KCNIP4: variants seen among roughly 807,000 people sequenced by gnomAD.
KCNIP4 encodes the protein potassium voltage-gated channel interacting protein 4.
KCNIP4 carries 12 observed loss-of-function variants against 34.0 expected under a neutral mutation model. The ratio of observed to expected loss-of-function variants is 0.35; its 90% CI spans 0.23 to 0.57. The LOEUF is 0.57. KCNIP4 is among the 20% of genes least tolerant of loss of function. KCNIP4 has a pLI of 0.83. For synonymous variants in KCNIP4, 124 were observed against 102.2 expected (o/e 1.21, Z -1.29); for missense variants, 238 against 311.7 (o/e 0.76, Z 1.78).
At chr4:21,889,912 AC>A (rs1726995236) in intron 1 of KCNIP4, among the ~76,000 whole-genome samples, 1 of 152,006 alleles carries the variant, frequency 6.6e-6, no homozygotes, top group Admixed American at 6.6e-5. Flanking sequence ...ATATTTGCTC[AC>A]CCTTAGTGTT....
At chr4:21,315,735 C>T (rs1248269659) in intron 1 of KCNIP4, among the ~76,000 whole-genome samples, 1 of 152,202 alleles carries the variant, frequency 6.6e-6, no homozygotes, top group Non-Finnish European at 1.5e-5. Context: ...ATGGCATCCA[C>T]TCAACACATG....
intron 1 of KCNIP4, among the ~76,000 whole-genome samples, chr4:21,777,083 G>A (rs1347292104): frequency 1.3e-5 from 2 of 152,058 alleles, no homozygotes; most frequent in Non-Finnish European, 2.9e-5. Flanking sequence ...AAGATCTAAT[G>A]GTTTTATAAT....
chr4:20,753,113 C>G (rs1453196512), intron 4 of KCNIP4, among the ~76,000 whole-genome samples: 1 of 152,078 alleles, frequency 6.6e-6, no homozygotes, highest in African/African-American at 2.4e-5. Flanking sequence ...AGTTGAGCAA[C>G]AAAATTTACA....
At chr4:21,636,696 TCTTA>T (rs2109221734) in intron 1 of KCNIP4, among the ~76,000 whole-genome samples, 1 of 152,276 alleles carries the variant, frequency 6.6e-6, no homozygotes, top group East Asian at 1.9e-4. Flanking sequence ...AAGTATTAGA[TCTTA>T]CTTTTTCTAA....
intron 1 of KCNIP4, among the ~76,000 whole-genome samples, chr4:21,085,415 A>G (rs1337861494): frequency 6.6e-6 from 1 of 152,202 alleles, no homozygotes; most frequent in Non-Finnish European, 1.5e-5. Context: ...GCCTGAGCTG[A>G]CTAAGACACC....
chr4:21,820,993 A>G (rs1722321896), intron 1 of KCNIP4, among the ~76,000 whole-genome samples: 1 of 152,164 alleles, frequency 6.6e-6, no homozygotes, highest in East Asian at 1.9e-4. Flanking sequence ...ATACTGAAAC[A>G]TATTTTCAGC....
chr4:21,316,053 G>T (rs368697662), intron 1 of KCNIP4, among the ~76,000 whole-genome samples: 1 of 152,130 alleles, frequency 6.6e-6, no homozygotes, highest in Non-Finnish European at 1.5e-5. Flanking sequence ...TTCCTTCTGA[G>T]AAATTCTTAC....
intron 1 of KCNIP4, among the ~76,000 whole-genome samples, chr4:21,108,703 T>C (rs941831083): frequency 2.0e-5 from 3 of 151,714 alleles, no homozygotes; most frequent in African/African-American, 7.3e-5. Flanking sequence ...GTTCTTCTGC[T>C]CTGTTTTTTC....
At chr4:20,833,199 A>G (rs999248900) in intron 3 of KCNIP4, among the ~76,000 whole-genome samples, 2 of 152,248 alleles carry the variant, frequency 1.3e-5, no homozygotes, top group African/African-American at 4.8e-5. Flanking sequence ...CACATTAGAC[A>G]TCAAACTTTG....
At chr4:21,296,874 G>A (rs536374410) in intron 1 of KCNIP4, among the ~76,000 whole-genome samples, 1 of 152,004 alleles carries the variant, frequency 6.6e-6, no homozygotes, top group East Asian at 1.9e-4. Context: ...CTGTGGGATG[G>A]TGGCACCAAA....
chr4:20,964,180 T>A (rs991099308), intron 1 of KCNIP4, among the ~76,000 whole-genome samples: 1 of 152,244 alleles, frequency 6.6e-6, no homozygotes, highest in Admixed American at 6.5e-5. Flanking sequence ...TGGTTGCTGT[T>A]TTACATAGAG....
chr4:21,816,955 T>C (rs1722026171), intron 1 of KCNIP4, among the ~76,000 whole-genome samples: 1 of 152,202 alleles, frequency 6.6e-6, no homozygotes, highest in African/African-American at 2.4e-5. Flanking sequence ...TAAAAGCTGT[T>C]GTGAGAATTA....
At chr4:20,933,194 A>T (rs1730665653) in intron 1 of KCNIP4, among the ~76,000 whole-genome samples, 1 of 152,178 alleles carries the variant, frequency 6.6e-6, no homozygotes, top group African/African-American at 2.4e-5. Context: ...CAGTGAGCTG[A>T]GATCATGCCA....
rs1004220000 is a variant in KCNIP4 at position 21,610,819 on chromosome 4, CT to C, written c.61+337751del. On this transcript the variant is annotated intron_variant, in intron 1 of 8. Transcript: ENST00000382152. ...CATGGTGAAAAGGGAAGAGGCACAT[CT>C]TTTTTTTTTTAATTATACTTTAAGC... Among the ~76,000 whole-genome samples, 28 of 150,358 alleles carry C rather than the reference CT, an allele frequency of 1.9e-4. No individual in the cohort carries two copies. In the East Asian group the frequency reaches 3.9e-3, roughly 21 times the overall value.
intron 1 of KCNIP4, among the ~76,000 whole-genome samples, chr4:21,532,283 A>G (rs1385498792): frequency 1.3e-5 from 2 of 152,132 alleles, no homozygotes; most frequent in Admixed American, 1.3e-4. Context: ...ATAAAACTGC[A>G]TTTCTTTGTT....
chr4:21,662,182 G>A (rs1748503626), intron 1 of KCNIP4, among the ~76,000 whole-genome samples: 1 of 152,300 alleles, frequency 6.6e-6, no homozygotes, highest in Non-Finnish European at 1.5e-5. Flanking sequence ...AGAGTCAGCG[G>A]TGCCCTGGGA....
chr4:21,138,683 C>G (rs2109200317), intron 1 of KCNIP4, among the ~76,000 whole-genome samples: 1 of 151,988 alleles, frequency 6.6e-6, no homozygotes, highest in South Asian at 2.1e-4. Context: ...CCTTAAGGAT[C>G]TTGAAATGGG....
chr4:21,139,867 A>G (rs1043562811), intron 1 of KCNIP4, among the ~76,000 whole-genome samples: 1 of 152,194 alleles, frequency 6.6e-6, no homozygotes, highest in African/African-American at 2.4e-5. Context: ...TGTAGAAGAA[A>G]ACACAAGTGT....
At chr4:21,673,075 TA>T (rs1470899690) in intron 1 of KCNIP4, among the ~76,000 whole-genome samples, 1 of 152,200 alleles carries the variant, frequency 6.6e-6, no homozygotes, top group Non-Finnish European at 1.5e-5. Flanking sequence ...AGAAATGGCA[TA>T]GCATCATGAT....
Sources: allele counts gnomAD v4.1 joint callset (sites outside exome capture counted in the v4.1 genomes callset), GRCh38; gene constraint gnomAD v4.1.1; transcripts MANE v1.5; gene names NCBI Gene and HGNC (gene_info 2026-07-23, HGNC 2026-07-21).